Variants in PSME1 observed in about 807,000 individuals in gnomAD.
PSME1 encodes the protein proteasome activator complex subunit 1.
In PSME1, 15 loss-of-function variants were observed where a neutral mutation model predicts 38.4. That is an observed-to-expected ratio of 0.39 (90% confidence interval 0.26 to 0.60). The LOEUF (loss-of-function observed/expected upper bound fraction) is 0.60. PSME1 is among the 20% of genes least tolerant of loss of function. The pLI is 0.53. For synonymous variants in PSME1, 106 were observed against 106.8 expected (o/e 0.99, Z 0.05); for missense variants, 249 against 305.6 (o/e 0.81, Z 1.38).
rs1412636832 is a variant in PSME1 at position 24,138,036 on chromosome 14, T to C, written c.391-13T>C. On this transcript the variant is annotated splice_polypyrimidine_tract_variant and intron_variant, in intron 6 of 10. Coordinates refer to ENST00000206451, the MANE Select transcript of PSME1 (RefSeq NM_006263.4). ...GAGGGCTGATGTGGCATTATGCCATTCCCTCTTCCCAGGTCACCACCTGGT... is the reference window on the plus strand; with the variant it reads ...GAGGGCTGATGTGGCATTATGCCATCCCCTCTTCCCAGGTCACCACCTGGT... 6.2e-7 allele frequency: 1 copy of C among 1,613,900 alleles called. No individual in the cohort carries two copies. The highest frequency in any genetic ancestry group is 8.5e-7 in the Non-Finnish European group (1 of 1,179,758).
intron 5 of PSME1, 54 bp downstream of exon 5, chr14:24,137,619 C>A: frequency 6.2e-7 from 1 of 1,612,162 alleles, no homozygotes. Context: ...ACAGGAGCTC[C>A]TCCTAAGGAT....
rs1340073560 is a variant in PSME1 at position 24,138,337 on chromosome 14, T to A, written c.528-8T>A. The A allele has an allele frequency of 6.2e-7, 1 of 1,614,092 alleles. No individual in the cohort carries two copies. The highest frequency in any genetic ancestry group is 2.2e-5 in the East Asian group (1 of 44,892). On this transcript the variant is annotated splice_region_variant and splice_polypyrimidine_tract_variant and intron_variant, in intron 8 of 10. Coordinates refer to ENST00000206451, the MANE Select transcript of PSME1 (RefSeq NM_006263.4). ...TCTTCTACTCCATACACACTTCTCC[T>A]TCCACAGGTATTTCTCTGAGCGTGG...
Position 24,137,515 on chromosome 14 carries a change from T to C in PSME1, c.247-5T>C. 3.1e-6 allele frequency: 5 copies of C among 1,614,182 alleles called. No homozygotes were observed. The highest frequency in any genetic ancestry group is 3.4e-6 in the Non-Finnish European group (4 of 1,180,028). ...TGACTCTCATGAGCTCCTCTCTTTC[T>C]GCAGAAGGAAGACAAGGATGAAAAG... On this transcript the variant is annotated splice_polypyrimidine_tract_variant and splice_region_variant and intron_variant, in intron 4 of 10. Coordinates refer to ENST00000206451, the MANE Select transcript of PSME1 (RefSeq NM_006263.4).
chr14:24,137,265 G>T lies in PSME1; in HGVS notation c.136-56G>T, dbSNP rs575292665. ...GCCAAGAGAAGAGTCTGGAGGCTGT[G>T]AGAGTGAGGTGAGAGGAACTCCCTC... On this transcript the variant is annotated intron_variant, in intron 3 of 10. Coordinates refer to ENST00000206451, the MANE Select transcript of PSME1 (RefSeq NM_006263.4). The T allele has an allele frequency of 6.8e-6, 11 of 1,611,082 alleles. No individual in the cohort carries two copies. The Admixed American group carries it at 1.8e-4, about 27-fold the overall frequency.
At position 24,136,781 on chromosome 14, in the gene PSME1, T is replaced by G. The variant is rs1459902435; in HGVS notation, c.40-204T>G. 3 of 645,422 alleles carry G rather than the reference T, an allele frequency of 4.6e-6. No homozygotes were observed. Among genetic ancestry groups the G allele is most frequent in the Non-Finnish European group, 8.4e-6 (3 of 355,838 alleles). 40.0% of individuals were successfully genotyped at this position (645,422 alleles called of 1,614,324 possible). A position where few individuals can be genotyped will look rare whatever the true frequency, so the allele number is the denominator to read the frequency against. On this transcript the variant is annotated intron_variant, in intron 1 of 10. Coordinates refer to ENST00000206451, the MANE Select transcript of PSME1 (RefSeq NM_006263.4). This position sits in a 1 kb window ranked among gnomAD's most constrained non-coding sequence, Gnocchi z 4.8. ...AGCCCCAGGGATACCCACTCCACTT[T>G]CCGTAGATCCAGGTCTGCAGAGATC...
rs957039869 is a variant in PSME1, at chr14:24,136,369, G to T, written c.39+68G>T. 3 of 1,411,042 alleles carry T rather than the reference G, an allele frequency of 2.1e-6. No individual in the cohort carries two copies. The highest frequency in any genetic ancestry group is 1.5e-5 in the African/African-American group (1 of 66,266). The allele number at this position is 1,411,042 out of a possible 1,614,324, so 87.4% of individuals were successfully genotyped here. A position where few individuals can be genotyped will look rare whatever the true frequency, so the allele number is the denominator to read the frequency against. ...GGCTGGAGCGGCCGGGGGCATCCCC[G>T]ACCCGCCCCCCAGGCTCCCACGCGA... On this transcript the variant is annotated intron_variant, in intron 1 of 10. Transcript: ENST00000206451. This position sits in a 1 kb window ranked among gnomAD's most constrained non-coding sequence, Gnocchi z 4.8.
chr14:24,136,773 C>G lies in PSME1; in HGVS notation c.40-212C>G. 1.6e-6 allele frequency: 1 copy of G among 640,548 alleles called. No homozygotes were observed. The highest frequency in any genetic ancestry group is 1.8e-5 in the South Asian group (1 of 56,374). The allele number at this position is 640,548 out of a possible 1,614,324, so 39.7% of individuals were successfully genotyped here. On this transcript the variant is annotated intron_variant, in intron 1 of 10. Coordinates refer to ENST00000206451, the MANE Select transcript of PSME1 (RefSeq NM_006263.4). The surrounding 1 kb of genome is among the most constrained non-coding windows in gnomAD (Gnocchi z 4.8). ...CCATATCCAGCCCCAGGGATACCCACTCCACTTTCCGTAGATCCAGGTCTG... is the reference window on the plus strand; with the variant it reads ...CCATATCCAGCCCCAGGGATACCCAGTCCACTTTCCGTAGATCCAGGTCTG...
In PSME1 at chr14:24,136,903, G is replaced by A; in HGVS notation, c.40-82G>A. On this transcript the variant is annotated intron_variant, in intron 1 of 10. Coordinates refer to ENST00000206451, the MANE Select transcript of PSME1 (RefSeq NM_006263.4). The surrounding 1 kb of genome is among the most constrained non-coding windows in gnomAD (Gnocchi z 4.8). ...TCCCCTCCACCCTTCCCCAGGTCAG[G>A]CCCTACATAACCCTAAGGGAACTGT... The A allele has an allele frequency of 6.4e-7, 1 of 1,552,546 alleles. No homozygotes were observed. Among genetic ancestry groups the A allele is most frequent in the Middle Eastern group, 2.2e-4 (1 of 4,524 alleles).
At position 24,137,142 on chromosome 14, in the gene PSME1, G is replaced by A. The variant is rs1282025239; in HGVS notation, c.73-1G>A. ...CTCCTCCACCCCCACCTCACACACA[G>A]ACAGAGAACCTGCTCGGGAGCTATT... On this transcript the variant is annotated splice_acceptor_variant, in intron 2 of 10. Coordinates refer to ENST00000206451, the MANE Select transcript of PSME1 (RefSeq NM_006263.4). LOFTEE classifies it high-confidence loss of function. The A allele has an allele frequency of 1.2e-6, 2 of 1,614,128 alleles. No individual in the cohort carries two copies. Among genetic ancestry groups the A allele is most frequent in the Admixed American group, 3.3e-5 (2 of 60,018 alleles).
At chr14:24,137,961 C>A in intron 6 of PSME1, 88 bp from the exon 7 acceptor site, 2 of 1,544,716 alleles carry the variant, frequency 1.3e-6, no homozygotes, top group Non-Finnish European at 1.8e-6. Flanking sequence ...CACGCCTCCA[C>A]CCAGTGTGGG....
Position 24,138,475 on chromosome 14 carries a change from G to T in PSME1, c.584G>T (p.Gly195Val). 6.2e-7 allele frequency: 1 copy of T among 1,614,078 alleles called. No individual in the cohort carries two copies. The highest frequency in any genetic ancestry group is 8.5e-7 in the Non-Finnish European group (1 of 1,180,042). ...AGGCCTGACCCGAGCTTCCCACAGG[G>T]TGATTATCGGCAGCTGGTGCACGAG... Reference protein sequence around the residue: ...VTKAAKQPHVGDYRQLVHELD... With the variant: ...VTKAAKQPHVVDYRQLVHELD... The change falls in exon 10 of 11, where the codon GGT (glycine) becomes GTT (valine). Residue 195 changes from glycine (G) to valine (V), a missense_variant and splice_region_variant. Physicochemically the swap from Gly to Val is moderately radical, Grantham distance 109. Transcript: ENST00000206451.
chr14:24,137,462 C>G (rs370436982), intron 4 of PSME1, 31 bp downstream of exon 4: 27 of 1,613,694 alleles, frequency 1.7e-5, no homozygotes, highest in Non-Finnish European at 2.2e-5. Flanking sequence ...AGAAGGGATC[C>G]AACTATGGGG....
chr14:24,136,986 T>C lies in PSME1; in HGVS notation c.41T>C (p.Val14Ala). The C allele has an allele frequency of 6.2e-7, 1 of 1,614,106 alleles. No homozygotes were observed. Among genetic ancestry groups the C allele is most frequent in the Non-Finnish European group, 8.5e-7 (1 of 1,180,022 alleles). ...LRVQPEAQAK[V>A]DVFREDLCTK... ...TGAAGGGATGCGTGTGCCCCACAGG[T>C]GGATGTGTTTCGTGAAGACCTCTGT... The change falls in exon 2 of 11, where the codon GTG becomes GCG. Residue 14 changes from valine to alanine, a missense_variant and splice_region_variant. Physicochemically the swap from Val to Ala is moderately conservative, Grantham distance 64 (BLOSUM62 0). Coordinates refer to ENST00000206451, the MANE Select transcript of PSME1 (RefSeq NM_006263.4). The surrounding 1 kb of genome is among the most constrained non-coding windows in gnomAD (Gnocchi z 4.8).
At position 24,136,850 on chromosome 14, in the gene PSME1, G is replaced by T. The variant is rs879231706; in HGVS notation, c.40-135G>T. 6 of 1,006,750 alleles carry T rather than the reference G, an allele frequency of 6.0e-6. No homozygotes were observed. Among genetic ancestry groups the T allele is most frequent in the East Asian group, 2.5e-5 (1 of 39,698 alleles). The allele number at this position is 1,006,750 out of a possible 1,614,324, so 62.4% of individuals were successfully genotyped here. A position where few individuals can be genotyped will look rare whatever the true frequency, so the allele number is the denominator to read the frequency against. ...AACCCACCCTACAGGCATCCATCTC[G>T]CTTTCTTCAGGTCTGGCCTTAGAGG... is the stretch of plus-strand genomic sequence containing the variant. On this transcript the variant is annotated intron_variant, in intron 1 of 10. Coordinates refer to ENST00000206451, the MANE Select transcript of PSME1 (RefSeq NM_006263.4). The surrounding 1 kb of genome is among the most constrained non-coding windows in gnomAD (Gnocchi z 4.8).
In PSME1 at chr14:24,136,298, CA is replaced by C; in HGVS notation, c.38del (p.Lys13ArgfsTer32). 1 of 1,527,272 alleles carries C rather than the reference CA, an allele frequency of 6.5e-7. No individual in the cohort carries two copies. The highest frequency in any genetic ancestry group is 8.8e-7 in the Non-Finnish European group (1 of 1,138,572). The allele number at this position is 1,527,272 out of a possible 1,614,324, so 94.6% of individuals were successfully genotyped here. ...MLRVQPEAQA[K>X]VDVFREDLCT... ...TCAGGGTCCAGCCCGAGGCCCAAGC[CA>C]AGGTGAGCGCCGCGGGGTCTAGAAA... On this transcript the variant is annotated frameshift_variant and splice_region_variant, in exon 1 of 11. Transcript: ENST00000206451. LOFTEE classifies it high-confidence loss of function. The surrounding 1 kb of genome is among the most constrained non-coding windows in gnomAD (Gnocchi z 4.8).
intron 8 of PSME1, 21 bp from the exon 9 acceptor site, chr14:24,138,324 T>C (rs756378987): frequency 8.7e-6 from 14 of 1,614,148 alleles, no homozygotes; most frequent in Admixed American, 1.7e-5. Context: ...TTCTACTCCA[T>C]ACACACTTCT....
chr14:24,137,458 G>A (rs376304794), intron 4 of PSME1, 27 bp downstream of exon 4: 15 of 1,613,918 alleles, frequency 9.3e-6, no homozygotes, highest in Non-Finnish European at 1.2e-5. Flanking sequence ...TGGGAGAAGG[G>A]ATCCAACTAT....
chr14:24,137,620 T>C, intron 5 of PSME1, 55 bp downstream of exon 5: 1 of 1,612,094 alleles, frequency 6.2e-7, no homozygotes, highest in Non-Finnish European at 8.5e-7. Context: ...CAGGAGCTCC[T>C]CCTAAGGATT....
Position 24,138,039 on chromosome 14 carries a change from C to T in PSME1, c.391-10C>T, listed in dbSNP as rs750874357. 1 of 1,614,124 alleles carries T rather than the reference C, an allele frequency of 6.2e-7. No homozygotes were observed. The highest frequency in any genetic ancestry group is 8.5e-7 in the Non-Finnish European group (1 of 1,179,942). On this transcript the variant is annotated splice_polypyrimidine_tract_variant and intron_variant, in intron 6 of 10. Coordinates refer to ENST00000206451, the MANE Select transcript of PSME1 (RefSeq NM_006263.4). ...GGCTGATGTGGCATTATGCCATTCC[C>T]TCTTCCCAGGTCACCACCTGGTTGC...
Sources: allele counts gnomAD v4.1 joint callset, GRCh38; gene constraint gnomAD v4.1.1; non-coding constraint Gnocchi (gnomAD v3.1); transcripts MANE v1.5; gene names NCBI Gene and HGNC (gene_info 2026-07-23, HGNC 2026-07-21).